Variants in PDE3A observed in about 807,000 individuals in gnomAD.
PDE3A encodes cGMP-inhibited 3',5'-cyclic phosphodiesterase 3A.
Under a neutral mutation model 98.3 loss-of-function variants are expected in PDE3A, and 43 were observed. The observed-to-expected ratio is 0.44, with a 90% CI of 0.34 to 0.56. PDE3A has a LOEUF of 0.56. PDE3A is among the 20% of genes least tolerant of loss of function. PDE3A has a pLI of 0.01. For missense variants in PDE3A, 1,427 were observed against 1,440.7 expected (o/e 0.99, Z 0.15); for synonymous variants, 663 against 567.9 (o/e 1.17, Z -2.38).
At chr12:20,625,028 T>A (rs1172094108) in intron 5 of PDE3A, among the ~76,000 whole-genome samples, 1 of 152,152 alleles carries the variant, frequency 6.6e-6, no homozygotes, top group African/African-American at 2.4e-5. Flanking sequence ...GAGTATGAAG[T>A]AAGAAGAGGC....
intron 1 of PDE3A, among the ~76,000 whole-genome samples, chr12:20,487,432 G>A (rs1303750977): frequency 2.1e-5 from 3 of 143,554 alleles, no homozygotes; most frequent in Non-Finnish European, 3.0e-5. Context: ...GGGAGGCTGA[G>A]ATAGGCAGAT....
intron 1 of PDE3A, among the ~76,000 whole-genome samples, chr12:20,414,443 G>T (rs1944386813): frequency 6.6e-6 from 1 of 152,178 alleles, no homozygotes; most frequent in South Asian, 2.1e-4. Context: ...ATTTCTCTAA[G>T]TCATGCATAG....
chr12:20,668,795 T>G (rs1020389558), intron 15 of PDE3A, among the ~76,000 whole-genome samples: 2 of 151,484 alleles, frequency 1.3e-5, no homozygotes, highest in African/African-American at 4.9e-5. Context: ...AGAGCACCAA[T>G]CCTCCTCCAA....
At chr12:20,559,593 C>A (rs920501826) in intron 2 of PDE3A, among the ~76,000 whole-genome samples, 2 of 151,594 alleles carry the variant, frequency 1.3e-5, no homozygotes, top group South Asian at 2.1e-4. Flanking sequence ...ATCTCTTGAA[C>A]CCTGGAGGCG....
chr12:20,628,009 G>T (rs972728887), intron 5 of PDE3A, among the ~76,000 whole-genome samples: 2 of 152,128 alleles, frequency 1.3e-5, no homozygotes, highest in African/African-American at 4.8e-5. Context: ...ATGTGTAATA[G>T]TATTTGTGAA....
At chr12:20,638,389 A>G (rs899610503) in intron 9 of PDE3A, among the ~76,000 whole-genome samples, 3 of 152,158 alleles carry the variant, frequency 2.0e-5, no homozygotes, top group Non-Finnish European at 2.9e-5. Flanking sequence ...AAAATATTCA[A>G]TTATTGCCTC....
intron 1 of PDE3A, among the ~76,000 whole-genome samples, chr12:20,459,829 A>G (rs903920760): frequency 2.0e-5 from 3 of 152,184 alleles, no homozygotes; most frequent in African/African-American, 7.2e-5. Context: ...AAAGGAATCA[A>G]TTACAGTGAT....
intron 1 of PDE3A, among the ~76,000 whole-genome samples, chr12:20,489,643 T>C (rs1383734906): frequency 6.6e-6 from 1 of 152,240 alleles, no homozygotes; most frequent in Non-Finnish European, 1.5e-5. Flanking sequence ...TCATAAGATA[T>C]GTCATTTACT....
At chr12:20,528,305 G>A (rs1184965863) in intron 1 of PDE3A, among the ~76,000 whole-genome samples, 1 of 152,168 alleles carries the variant, frequency 6.6e-6, no homozygotes, top group Non-Finnish European at 1.5e-5. Context: ...CTGACATTAT[G>A]TACATGGTTG....
At chr12:20,543,899 G>C (rs970436653) in intron 1 of PDE3A, among the ~76,000 whole-genome samples, 2 of 151,786 alleles carry the variant, frequency 1.3e-5, no homozygotes, top group Non-Finnish European at 2.9e-5. Flanking sequence ...ATACAAATTG[G>C]ATGCTATTAT....
In PDE3A at chr12:20,683,404, GA is replaced by G. The variant is rs1476344734; in HGVS notation, c.*3138del. On this transcript the variant is annotated 3_prime_UTR_variant, in exon 16 of 16. Transcript: ENST00000359062. ...TGAAAGAGTTTCTAGCCCACTTAGGGAAAAAGATAATTGTTTAGAAAACCAT... is the reference window on the plus strand; with the variant it reads ...TGAAAGAGTTTCTAGCCCACTTAGGGAAAAGATAATTGTTTAGAAAACCAT... 3 of 152,088 alleles carry G rather than the reference GA, an allele frequency of 2.0e-5. No homozygotes were observed. Among genetic ancestry groups the G allele is most frequent in the African/African-American group, 2.4e-5 (1 of 41,414 alleles). The allele number at this position is 152,088 out of a possible 1,614,324, so 9.4% of individuals were successfully genotyped here. A position where few individuals can be genotyped will look rare whatever the true frequency, so the allele number is the denominator to read the frequency against.
At chr12:20,470,077 GT>G (rs1012990287) in intron 1 of PDE3A, among the ~76,000 whole-genome samples, 24 of 145,938 alleles carry the variant, frequency 1.6e-4, no homozygotes, top group African/African-American at 5.0e-4. Context: ...TTTTTTTTCT[GT>G]TTTTTTTTCC....
chr12:20,411,404 CT>C (rs916802940), intron 1 of PDE3A, among the ~76,000 whole-genome samples: 1 of 152,032 alleles, frequency 6.6e-6, no homozygotes, highest in Non-Finnish European at 1.5e-5. Context: ...CAGTATGTGT[CT>C]TTTTTTGTGA....
chr12:20,390,892 A>T (rs1943900366), intron 1 of PDE3A, among the ~76,000 whole-genome samples: 1 of 151,972 alleles, frequency 6.6e-6, no homozygotes, highest in African/African-American at 2.4e-5. Context: ...TTGTGCAAAG[A>T]CTATCACCCT....
At chr12:20,428,433 C>T (rs1372437200) in intron 1 of PDE3A, among the ~76,000 whole-genome samples, 2 of 151,984 alleles carry the variant, frequency 1.3e-5, no homozygotes, top group Non-Finnish European at 2.9e-5. Flanking sequence ...GCGCCCGCCG[C>T]CACGCCCGGC....
intron 2 of PDE3A, among the ~76,000 whole-genome samples, chr12:20,583,022 C>G (rs1306703518): frequency 6.6e-6 from 1 of 152,042 alleles, no homozygotes; most frequent in Non-Finnish European, 1.5e-5. Flanking sequence ...TTTTTCCCTT[C>G]CCCCAATTGT....
chr12:20,411,160 C>A (rs978175223), intron 1 of PDE3A, among the ~76,000 whole-genome samples: 11 of 151,580 alleles, frequency 7.3e-5, no homozygotes, highest in Non-Finnish European at 1.2e-4. Context: ...CAAAGTTTAC[C>A]ATCTTGGTCA....
At chr12:20,442,256 A>C (rs1255920845) in intron 1 of PDE3A, among the ~76,000 whole-genome samples, 1 of 152,192 alleles carries the variant, frequency 6.6e-6, no homozygotes, top group African/African-American at 2.4e-5. Flanking sequence ...CATATTCATG[A>C]CCTGTTTTGT....
At chr12:20,566,524 T>G (rs1382158595) in intron 2 of PDE3A, among the ~76,000 whole-genome samples, 2 of 151,948 alleles carry the variant, frequency 1.3e-5, no homozygotes, top group African/African-American at 4.8e-5. Context: ...GTATTTTTTT[T>G]TTTAAGTTTA....
Sources: allele counts gnomAD v4.1 joint callset (sites outside exome capture counted in the v4.1 genomes callset), GRCh38; gene constraint gnomAD v4.1.1; transcripts MANE v1.5; gene names NCBI Gene and HGNC (gene_info 2026-07-23, HGNC 2026-07-21).